ZMYM2: variants seen among roughly 807,000 people sequenced by gnomAD.
ZMYM2 encodes the protein zinc finger MYM-type protein 2.
In ZMYM2, 56 loss-of-function variants were observed where a neutral mutation model predicts 162.8. That is an observed-to-expected ratio of 0.34 (90% CI 0.28 to 0.43). The LOEUF (loss-of-function observed/expected upper bound fraction) is 0.43, where lower values mean the gene tolerates loss of function less well. Among genes scored for constraint, ZMYM2 ranks in the 20% least tolerant of loss-of-function variants. The pLI, the probability that ZMYM2 is intolerant of heterozygous loss-of-function variation, is 1.00. For missense variants in ZMYM2, 1,275 were observed against 1,621.8 expected, an observed-to-expected ratio of 0.79 and a Z score of 3.67; for synonymous variants, 510 against 541.6, an observed-to-expected ratio of 0.94 and a Z score of 0.81.
At chr13:19,959,016 C>T (rs1187293087) in intron 1 of ZMYM2, among the ~76,000 whole-genome samples, 175 bp downstream of exon 1, 1 of 151,858 alleles carries the variant, frequency 6.6e-6, no homozygotes, top group African/African-American at 2.4e-5. Context: ...CGCGGCGCGG[C>T]CGCCGTCGCC....
intron 2 of ZMYM2, among the ~76,000 whole-genome samples, chr13:19,968,042 T>C (rs887175516): frequency 6.6e-6 from 1 of 152,206 alleles, no homozygotes; most frequent in Non-Finnish European, 1.5e-5. Context: ...ATTTCTTCTT[T>C]TCCCTATACT....
chr13:20,032,796 A>G (rs56317080), intron 10 of ZMYM2, among the ~76,000 whole-genome samples: 7,094 of 151,474 alleles, frequency 0.047, 477 homozygotes, highest in African/African-American at 0.15. Context: ...TTTAGTAGAG[A>G]TGGGGTTTCA....
chr13:20,014,649 CTGTTT>C (rs981632539), intron 6 of ZMYM2, among the ~76,000 whole-genome samples: 3 of 143,712 alleles, frequency 2.1e-5, no homozygotes, highest in East Asian at 2.0e-4. Context: ...TTTTTCTGTT[CTGTTT>C]TATTTTTCCT....
In ZMYM2 at chr13:20,050,969, A is replaced by C. The variant is rs897793961; in HGVS notation, c.2293-464A>C. On this transcript the variant is annotated intron_variant, in intron 12 of 24. Coordinates refer to ENST00000610343, the MANE Select transcript of ZMYM2 (RefSeq NM_197968.4). Reference sequence around the variant, plus strand: ...TTATATTAAACTGTTGAAAAACTCAAAATTTTCAAGTTAACATCCATAAAT... The same window carrying C: ...TTATATTAAACTGTTGAAAAACTCACAATTTTCAAGTTAACATCCATAAAT... Among the ~76,000 whole-genome samples the C allele has an allele frequency of 1.1e-4, 16 of 152,202 alleles. 1 individual carries two copies. The highest frequency in any genetic ancestry group is 4.6e-4 in the Admixed American group (7 of 15,286).
At chr13:20,029,566 A>G (rs978183787) in intron 9 of ZMYM2, among the ~76,000 whole-genome samples, 1 of 152,122 alleles carries the variant, frequency 6.6e-6, no homozygotes, top group South Asian at 2.1e-4. Flanking sequence ...TTTTTCACAA[A>G]CTTAGTGTTG....
chr13:19,885,885 A>ATGTGTG, the ZMYM2 span, among the ~76,000 whole-genome samples: 4 of 120,022 alleles, frequency 3.3e-5, 1 homozygote, highest in Admixed American at 7.9e-5. Flanking sequence ...ATATACACAT[A>ATGTGTG]TATATGTGTA....
chr13:19,937,104 A>T, the ZMYM2 span, among the ~76,000 whole-genome samples: 2 of 152,044 alleles, frequency 1.3e-5, no homozygotes, highest in African/African-American at 4.8e-5. Context: ...CAACCTCTTA[A>T]AAAAAATTTT....
At chr13:19,996,127 C>G (rs1192814905) in intron 3 of ZMYM2, among the ~76,000 whole-genome samples, 1 of 152,142 alleles carries the variant, frequency 6.6e-6, no homozygotes, top group African/African-American at 2.4e-5. Context: ...CTGACCCATT[C>G]TGTCATCATT....
the ZMYM2 span, among the ~76,000 whole-genome samples, chr13:19,902,489 G>A: frequency 6.6e-6 from 1 of 152,004 alleles, no homozygotes; most frequent in Non-Finnish European, 1.5e-5. Flanking sequence ...GGTGACCCAT[G>A]CCTGTAATCC....
Position 20,061,046 on chromosome 13 carries a change from T to C in ZMYM2, c.2740-7T>C, listed in dbSNP as rs758215906. 3.1e-6 allele frequency: 5 copies of C among 1,605,218 alleles called. No individual in the cohort carries two copies. In the South Asian group the frequency reaches 4.5e-5, roughly 14 times the overall value. The stretch of plus-strand genomic sequence containing the variant: ...TAAACCTAACTCAAAATGATTTGGT[T>C]AATTAGGTGCCAGTTCCTGTTTTTC... On this transcript the variant is annotated splice_polypyrimidine_tract_variant and splice_region_variant and intron_variant, in intron 16 of 24. Transcript: ENST00000610343.
the ZMYM2 span, among the ~76,000 whole-genome samples, chr13:19,878,517 CTTTTT>C: frequency 1.9e-3 from 191 of 99,014 alleles, no homozygotes; most frequent in Middle Eastern, 0.011. Context: ...TTCCTTTGCC[CTTTTT>C]TTTTTTTTTT....
chr13:20,075,862 T>C (rs904266949), intron 21 of ZMYM2, among the ~76,000 whole-genome samples: 1 of 151,732 alleles, frequency 6.6e-6, no homozygotes, highest in African/African-American at 2.4e-5. Flanking sequence ...TTGGGTTTTT[T>C]TTCCCCCCCA....
At chr13:19,987,024 G>C (rs1413820714) in intron 2 of ZMYM2, among the ~76,000 whole-genome samples, 1 of 140,278 alleles carries the variant, frequency 7.1e-6, no homozygotes, top group Non-Finnish European at 1.5e-5. Flanking sequence ...AAAATTGCTT[G>C]AACCTGGGAG....
At chr13:19,903,458 T>TG in the ZMYM2 span, among the ~76,000 whole-genome samples, 1 of 114,876 alleles carries the variant, frequency 8.7e-6, no homozygotes, top group East Asian at 2.4e-4. Context: ...GCCAACATGG[T>TG]GAAACCCCAT....
chr13:19,923,960 C>G, the ZMYM2 span, among the ~76,000 whole-genome samples: 1 of 152,066 alleles, frequency 6.6e-6, no homozygotes, highest in South Asian at 2.1e-4. Context: ...AGTAAGCTAC[C>G]GTGCCTGGCC....
chr13:19,907,198 T>C, the ZMYM2 span, among the ~76,000 whole-genome samples: 1 of 152,248 alleles, frequency 6.6e-6, no homozygotes, highest in African/African-American at 2.4e-5. Context: ...TACTTTATTT[T>C]AATTTTGTCT....
chr13:20,004,535 G>A (rs1950607249), intron 4 of ZMYM2, among the ~76,000 whole-genome samples: 1 of 152,210 alleles, frequency 6.6e-6, no homozygotes, highest in Non-Finnish European at 1.5e-5. Flanking sequence ...GATTACAGGC[G>A]TGAGCCACTG....
At chr13:20,067,089 A>T in intron 20 of ZMYM2, 70 bp downstream of exon 20, 2 of 1,455,820 alleles carry the variant, frequency 1.4e-6, no homozygotes, top group Non-Finnish European at 1.8e-6. Context: ...AGTACCTTTA[A>T]ATTTAAAAAA....
At chr13:20,027,127 T>G in intron 8 of ZMYM2, 76 bp from the exon 9 acceptor site, 20 of 954,030 alleles carry the variant, frequency 2.1e-5, no homozygotes, top group Middle Eastern at 3.3e-4. Flanking sequence ...GAAACTTCTA[T>G]GATCTCAGTA....
Sources: gnomAD v4.1 joint callset for allele counts (sites outside exome capture counted in the v4.1 genomes callset) on GRCh38, gnomAD v4.1.1 for gene constraint, MANE v1.5 for transcripts, NCBI Gene and HGNC (gene_info 2026-07-23, HGNC 2026-07-21) for gene names.